ZSCAN29: variants seen among roughly 807,000 people sequenced by gnomAD.
ZSCAN29 encodes the protein zinc finger and SCAN domain containing 29, also known as zinc finger and SCAN domain-containing protein 29.
ZSCAN29 carries 55 observed loss-of-function variants against 71.9 expected under a neutral mutation model. That is an observed-to-expected ratio of 0.76 (90% CI 0.62 to 0.96). The LOEUF is 0.96. Among genes scored for constraint, ZSCAN29 ranks in the 40% least tolerant of loss-of-function variants. The pLI is 0.00. For synonymous variants in ZSCAN29, 351 were observed against 371.6 expected (o/e 0.94, Z 0.64); for missense variants, 1,042 against 1,042.2 (o/e 1.00, Z 0.00).
chr15:43,361,964 A>C (rs1433301246), intron 5 of ZSCAN29, 23 bp from the exon 6 acceptor site: 1 of 1,584,080 alleles, frequency 6.3e-7, no homozygotes, highest in Admixed American at 1.8e-5. Context: ...AGAATTTTAG[A>C]AGTTATCTAT....
rs758980263 is a variant in ZSCAN29 at position 43,361,612 on chromosome 15, C to G, written c.2020G>C (p.Val674Leu). 6.2e-7 allele frequency: 1 copy of G among 1,614,210 alleles called. No individual in the cohort carries two copies. The highest frequency in any genetic ancestry group is 8.5e-7 in the Non-Finnish European group (1 of 1,180,046). The change falls in exon 6 of 6, where the codon GTG (valine) becomes CTG (leucine). Residue 674 changes from valine to leucine, a missense_variant. Transcript: ENST00000684362. ...SLLMHQVSHQ[V>L]ENPYKCADCG... ...TCAGCACATTTATATGGATTTTCCACCTGGTGGGATACCTGATGCATGAGA... is the reference window on the plus strand; with the variant it reads ...TCAGCACATTTATATGGATTTTCCAGCTGGTGGGATACCTGATGCATGAGA...
In ZSCAN29 at chr15:43,364,366, A is replaced by C; in HGVS notation, c.1239T>G (p.Tyr413Ter). ...FRSPGGVHWG[Y>*]EETKTYLAIL... ...TTGCAAGGTAAGTCTTGGTCTCTTC[A>C]TAGCCCCAGTGTACACCTGCCACCA... Residue 413 changes from tyrosine (Y) to a stop codon, truncating the protein, a stop_gained, in exon 5 of 6, where the codon TAT becomes TAG. Transcript: ENST00000684362. LOFTEE classifies it high-confidence loss of function. 3.7e-6 allele frequency: 6 copies of C among 1,613,898 alleles called. No individual in the cohort carries two copies. Among genetic ancestry groups the C allele is most frequent in the Non-Finnish European group, 5.1e-6 (6 of 1,180,000 alleles).
Position 43,360,932 on chromosome 15 carries a change from A to C in ZSCAN29, c.*141T>G, listed in dbSNP as rs1566881440. 36 of 1,206,628 alleles carry C rather than the reference A, an allele frequency of 3.0e-5. 1 individual carries two copies. The South Asian group carries it at 4.4e-4, about 15-fold the overall frequency. 74.7% of individuals were successfully genotyped at this position (1,206,628 alleles called of 1,614,324 possible). A position where few individuals can be genotyped will look rare whatever the true frequency, so the allele number is the denominator to read the frequency against. On this transcript the variant is annotated 3_prime_UTR_variant, in exon 6 of 6. Transcript: ENST00000684362. ...GGGATTTGAGTCTAGATCAGGAAAA[A>C]CAAGGAACAAACAGTGGCATAAATC... is the stretch of plus-strand genomic sequence containing the variant.
chr15:43,366,513 A>C lies in ZSCAN29; in HGVS notation c.819T>G (p.His273Gln), dbSNP rs1433934378. 6.2e-7 allele frequency: 1 copy of C among 1,614,140 alleles called. No individual in the cohort carries two copies. Among genetic ancestry groups the C allele is most frequent in the Non-Finnish European group, 8.5e-7 (1 of 1,180,020 alleles). Reference sequence around the variant, plus strand: ...CAGCCCCATACACTTGGCTGTTCCTATGGCAGTTTCTGAGAGCCTCATAAA... The same window carrying C: ...CAGCCCCATACACTTGGCTGTTCCTCTGGCAGTTTCTGAGAGCCTCATAAA... ...TEFYEALRNC[H>Q]RNSQVYGAVA... The change falls in exon 4 of 6, where the codon CAT becomes CAG. Residue 273 changes from histidine to glutamine, a missense_variant. His to Gln is a conservative substitution (Grantham distance 24, BLOSUM62 0). Coordinates refer to ENST00000684362, the MANE Select transcript of ZSCAN29 (RefSeq NM_001372080.1).
Position 43,370,816 on chromosome 15 carries a change from G to C in ZSCAN29, c.-371C>G, listed in dbSNP as rs910879548. On this transcript the variant is annotated 5_prime_UTR_variant, in exon 1 of 6. Transcript: ENST00000684362. ...CCGCTCCCTCCGGCCGGGTAACCCG[G>C]AGCCGTCGTGCGGTCCCTCCAGAGG... The C allele has an allele frequency of 2.0e-5, 3 of 153,492 alleles. No individual in the cohort carries two copies. The allele number at this position is 153,492 out of a possible 1,614,324, so 9.5% of individuals were successfully genotyped here. A position where few individuals can be genotyped will look rare whatever the true frequency, so the allele number is the denominator to read the frequency against.
Position 43,363,966 on chromosome 15 carries a change from G to C in ZSCAN29, c.1639C>G (p.Pro547Ala), listed in dbSNP as rs761074357. ...SDDDEEDTEI[P>A]PGAVITRAPV... ...GCACGGGTTATGACAGCCCCTGGGG[G>C]TATCTCAGTATCCTCTTCATCATCA... The change falls in exon 5 of 6, where the codon CCC becomes GCC. Residue 547 changes from proline to alanine, a missense_variant. Physicochemically the swap from Pro to Ala is conservative, Grantham distance 27. Transcript: ENST00000684362. 1.9e-6 allele frequency: 3 copies of C among 1,614,010 alleles called. No individual in the cohort carries two copies. The highest frequency in any genetic ancestry group is 1.3e-5 in the African/African-American group (1 of 75,044).
intron 4 of ZSCAN29, among the ~76,000 whole-genome samples, chr15:43,365,623 AAAAT>A (rs2044028186): frequency 6.6e-6 from 1 of 152,236 alleles, no homozygotes; most frequent in South Asian, 2.1e-4. Context: ...TTTAAAGAAA[AAAAT>A]GTTTCCCCAA....
chr15:43,361,500 C>T lies in ZSCAN29; in HGVS notation c.2132G>A (p.Cys711Tyr). ...TGEKPYKCLD[C>Y]GKSFRDSSNF... ...TGAACTGTCACGGAAACTTTTTCCA[C>T]AGTCAAGACATTTATAAGGTTTCTC... is the stretch of plus-strand genomic sequence containing the variant. The change falls in exon 6 of 6, where the codon TGT (cysteine) becomes TAT (tyrosine). Residue 711 changes from cysteine (C) to tyrosine (Y), a missense_variant. Transcript: ENST00000684362. 1 of 1,614,184 alleles carries T rather than the reference C, an allele frequency of 6.2e-7. No individual in the cohort carries two copies.
Position 43,366,787 on chromosome 15 carries a change from C to T in ZSCAN29, c.545G>A (p.Gly182Asp). Reference sequence around the variant, plus strand: ...TCCTTGCTCCAACCTGGAGACCACACCGGATTTAGGAAATGGCAATCCTGC... The same window carrying T: ...TCCTTGCTCCAACCTGGAGACCACATCGGATTTAGGAAATGGCAATCCTGC... ...QRSGLPFPKS[G>D]VVSRLEQGEP... The change falls in exon 4 of 6, where the codon GGT (glycine) becomes GAT (aspartate). Residue 182 changes from glycine (G) to aspartate (D), a missense_variant. Physicochemically the swap from Gly to Asp is moderately conservative, Grantham distance 94. Coordinates refer to ENST00000684362, the MANE Select transcript of ZSCAN29 (RefSeq NM_001372080.1). 4.3e-6 allele frequency: 7 copies of T among 1,611,398 alleles called. No homozygotes were observed. Among genetic ancestry groups the T allele is most frequent in the Non-Finnish European group, 5.9e-6 (7 of 1,179,142 alleles).
rs759913932 is a variant in ZSCAN29 at position 43,368,525 on chromosome 15, CAAAAAAAAAAAAAAAAAA to C, written c.523+380_523+397del. 4.9e-4 allele frequency among the ~76,000 whole-genome samples: 5 copies of C among 10,220 alleles called. 1 individual carries two copies. Among genetic ancestry groups the C allele is most frequent in the Non-Finnish European group, 6.0e-4 (5 of 8,324 alleles). The allele number at this position is 10,220 out of a possible 152,430, so 6.7% of individuals were successfully genotyped here. On this transcript the variant is annotated intron_variant, in intron 3 of 5. Transcript: ENST00000684362. The stretch of plus-strand genomic sequence containing the variant: ...TGGGCGACAGAGCGAGACTCCGTCT[CAAAAAAAAAAAAAAAAAA>C]AAAAAAAAAAAAAAAGAATGGATCT...
At chr15:43,363,124 C>T (rs922285570) in intron 5 of ZSCAN29, among the ~76,000 whole-genome samples, 5 of 152,022 alleles carry the variant, frequency 3.3e-5, no homozygotes, top group Admixed American at 1.3e-4. Context: ...ATTACAGGTG[C>T]GCGCTACCAC....
In ZSCAN29 at chr15:43,369,880, T is replaced by A; in HGVS notation, c.34A>T (p.Thr12Ser). 2 of 1,610,598 alleles carry A rather than the reference T, an allele frequency of 1.2e-6. No individual in the cohort carries two copies. The highest frequency in any genetic ancestry group is 1.7e-6 in the Non-Finnish European group (2 of 1,179,658). The change falls in exon 2 of 6, where the codon ACT (threonine) becomes TCT (serine). Residue 12 changes from threonine to serine, a missense_variant. Physicochemically the swap from Thr to Ser is moderately conservative, Grantham distance 58 (BLOSUM62 1). Transcript: ENST00000684362. ...MAKSALRENG[T>S]NSETFRQRFR... ...CGCTGTCGGAAGGTCTCAGAGTTAG[T>A]GCCATTCTCTCTTAGAGCTGATTTG...
rs2043955754 is a variant in ZSCAN29, at chr15:43,358,794, T to C, written c.*2279A>G. ...AAACTGCTTATTCTTTCAGTGGCAG[T>C]CAGCTGTTTCCTTATCAATAGTTAT... On this transcript the variant is annotated 3_prime_UTR_variant, in exon 6 of 6. Transcript: ENST00000684362. The C allele has an allele frequency of 6.6e-6, 1 of 152,254 alleles. No individual in the cohort carries two copies. Among genetic ancestry groups the C allele is most frequent in the African/African-American group, 2.4e-5 (1 of 41,470 alleles). 9.4% of individuals were successfully genotyped at this position (152,254 alleles called of 1,614,324 possible). A position where few individuals can be genotyped will look rare whatever the true frequency, so the allele number is the denominator to read the frequency against.
chr15:43,361,089 T>C lies in ZSCAN29; in HGVS notation c.2543A>G (p.Gln848Arg). The change falls in exon 6 of 6, where the codon CAG becomes CGG. Residue 848 changes from glutamine to arginine, a missense_variant. Gln to Arg is a conservative substitution (Grantham distance 43, BLOSUM62 1). Transcript: ENST00000684362. Reference protein sequence around the residue: ...EIHAREKLLTQSAPK With the variant: ...EIHAREKLLTRSAPK ...CTCAGGGGCTTACTTGGGAGCTGAC[T>C]GTGTCAGAAGCTTTTCCCGTGCATG... 1 of 1,599,320 alleles carries C rather than the reference T, an allele frequency of 6.3e-7. No individual in the cohort carries two copies. The highest frequency in any genetic ancestry group is 2.2e-5 in the East Asian group (1 of 44,528).
Position 43,361,255 on chromosome 15 carries a change from GAC to G in ZSCAN29, c.2375_2376del (p.Cys792SerfsTer2). 1 of 1,614,126 alleles carries G rather than the reference GAC, an allele frequency of 6.2e-7. No homozygotes were observed. The highest frequency in any genetic ancestry group is 2.2e-5 in the East Asian group (1 of 44,880). On this transcript the variant is annotated frameshift_variant, in exon 6 of 6. Coordinates refer to ENST00000684362, the MANE Select transcript of ZSCAN29 (RefSeq NM_001372080.1). LOFTEE classifies it high-confidence loss of function. ...TTACTGAAACTCTTTCCACAGTCAGGACACACATGGGGTCTCTCTCCTGTGTG... is the reference window on the plus strand; with the variant it reads ...TTACTGAAACTCTTTCCACAGTCAGGACACATGGGGTCTCTCTCCTGTGTG... Reference protein sequence around the residue: ...RIHTGERPHVCPDCGKSFSKS... With the variant: ...RIHTGERPHVXPDCGKSFSKS...
rs141880595 is a variant in ZSCAN29, at chr15:43,361,836, C to T, written c.1796G>A (p.Arg599Gln). 198 of 1,614,132 alleles carry T rather than the reference C, an allele frequency of 1.2e-4. 1 individual carries two copies. In the African/African-American group the frequency reaches 2.0e-3, roughly 17 times the overall value. Residue 599 changes from arginine (R) to glutamine (Q), a missense_variant, in exon 6 of 6, where the codon CGG (arginine) becomes CAG (glutamine). Transcript: ENST00000684362. ...ATTGCCTTTACCCTGATGAAGATACCGGGGAATTTTCCTTTCAGATCTTGC... is the reference window on the plus strand; with the variant it reads ...ATTGCCTTTACCCTGATGAAGATACTGGGGAATTTTCCTTTCAGATCTTGC... Reference protein sequence around the residue: ...LLARSERKIPRYLHQGKGNES... With the variant: ...LLARSERKIPQYLHQGKGNES...
At position 43,359,813 on chromosome 15, in the gene ZSCAN29, C is replaced by G. The variant is rs988719649; in HGVS notation, c.*1260G>C. ...TGTAAATGTATTATTCTATTCCAACCCTTCTTCTAGGACTCAGAAGAAACT... is the reference window on the plus strand; with the variant it reads ...TGTAAATGTATTATTCTATTCCAACGCTTCTTCTAGGACTCAGAAGAAACT... On this transcript the variant is annotated 3_prime_UTR_variant, in exon 6 of 6. Transcript: ENST00000684362. 6.6e-6 allele frequency: 1 copy of G among 152,218 alleles called. No homozygotes were observed. Among genetic ancestry groups the G allele is most frequent in the African/African-American group, 2.4e-5 (1 of 41,436 alleles). The allele number at this position is 152,218 out of a possible 1,614,324, so 9.4% of individuals were successfully genotyped here.
At position 43,360,106 on chromosome 15, in the gene ZSCAN29, T is replaced by C. The variant is rs375907375; in HGVS notation, c.*967A>G. The stretch of plus-strand genomic sequence containing the variant: ...GCTCACACCTGTAATCCCAGCACTT[T>C]GGGAGACCTAGGCAGGCAGATCATG... On this transcript the variant is annotated 3_prime_UTR_variant, in exon 6 of 6. Transcript: ENST00000684362. 33 of 152,292 alleles carry C rather than the reference T, an allele frequency of 2.2e-4. No individual in the cohort carries two copies. Among genetic ancestry groups the C allele is most frequent in the African/African-American group, 7.5e-4 (31 of 41,554 alleles). The allele number at this position is 152,292 out of a possible 1,614,324, so 9.4% of individuals were successfully genotyped here.
chr15:43,363,906 T>C lies in ZSCAN29; in HGVS notation c.1690+9A>G. On this transcript the variant is annotated intron_variant, in intron 5 of 5. Transcript: ENST00000684362. ...TGTTATTTATACCATAATAGTGAAATAATCTTACCACGGGGGCTTTGGAAT... is the reference window on the plus strand; with the variant it reads ...TGTTATTTATACCATAATAGTGAAACAATCTTACCACGGGGGCTTTGGAAT... 1 of 1,572,054 alleles carries C rather than the reference T, an allele frequency of 6.4e-7. No individual in the cohort carries two copies. The highest frequency in any genetic ancestry group is 1.2e-5 in the South Asian group (1 of 86,344).
Sources: gnomAD v4.1 joint callset for allele counts (sites outside exome capture counted in the v4.1 genomes callset) on GRCh38, gnomAD v4.1.1 for gene constraint, MANE v1.5 for transcripts, NCBI Gene and HGNC (gene_info 2026-07-23, HGNC 2026-07-21) for gene names.